TYRO3: variants seen among roughly 807,000 people sequenced by gnomAD.
TYRO3 encodes the protein tyrosine-protein kinase receptor TYRO3.
In TYRO3, 38 loss-of-function variants were observed where a neutral mutation model predicts 95.2. That is an observed-to-expected ratio of 0.40 (90% CI 0.31 to 0.52). TYRO3 has a LOEUF of 0.52. Ranked by LOEUF, TYRO3 falls within the 20% of genes least tolerant of loss-of-function variation. The pLI, the probability that TYRO3 is intolerant of heterozygous loss-of-function variation, is 0.56. For synonymous variants in TYRO3, 367 were observed against 432.9 expected, an observed-to-expected ratio of 0.85 and a Z score of 1.89; for missense variants, 812 against 1,116.4, an observed-to-expected ratio of 0.73 and a Z score of 3.89.
rs1595502350 is a variant in TYRO3, at chr15:41,568,800, C to T, written c.1108-78C>T. 3.3e-6 allele frequency: 5 copies of T among 1,530,422 alleles called. No individual in the cohort carries two copies. In the Admixed American group the frequency reaches 8.0e-5, roughly 25 times the overall value. The allele number at this position is 1,530,422 out of a possible 1,614,324, so 94.8% of individuals were successfully genotyped here. A position where few individuals can be genotyped will look rare whatever the true frequency, so the allele number is the denominator to read the frequency against. On this transcript the variant is annotated intron_variant, in intron 8 of 18. Transcript: ENST00000263798. ...CTATACTCCCATGTTCCCAGCTGGACCTTTTTCTGTCCTCAGGCCCCAGCT... is the reference window on the plus strand; with the variant it reads ...CTATACTCCCATGTTCCCAGCTGGATCTTTTTCTGTCCTCAGGCCCCAGCT...
chr15:41,577,732 C>G (rs556491262), intron 18 of TYRO3, 154 bp from the exon 19 acceptor site: 9 of 708,382 alleles, frequency 1.3e-5, no homozygotes, highest in South Asian at 9.8e-5. Flanking sequence ...AATAATACCC[C>G]CCTTCGGCCT....
In TYRO3 at chr15:41,559,394, A is replaced by ACGGGAGGCGG; in HGVS notation, c.124+19_124+28dup. On this transcript the variant is annotated intron_variant, in intron 1 of 18. Coordinates refer to ENST00000263798, the MANE Select transcript of TYRO3 (RefSeq NM_006293.4). ...TCCGCCGCCGCAGGTAGGGGCTGGC[A>ACGGGAGGCGG]CGGGAGGCGGCGGGAAGCGGGGGGC... 1 of 205,962 alleles carries ACGGGAGGCGG rather than the reference A, an allele frequency of 4.9e-6. No homozygotes were observed. The highest frequency in any genetic ancestry group is 1.0e-5 in the Non-Finnish European group (1 of 98,896). 12.8% of individuals were successfully genotyped at this position (205,962 alleles called of 1,614,324 possible). A position where few individuals can be genotyped will look rare whatever the true frequency, so the allele number is the denominator to read the frequency against.
chr15:41,573,360 A>G lies in TYRO3; in HGVS notation c.2038A>G (p.Ile680Val). ...CVADFGLSRK[I>V]YSGDYYRQGC... ...GGCTGACTTCGGACTCTCCCGGAAG[A>G]TCTACAGTGGGGACTACTATCGTCA... The change falls in exon 17 of 19, where the codon ATC becomes GTC. Residue 680 changes from isoleucine to valine, a missense_variant. Physicochemically the swap from Ile to Val is conservative, Grantham distance 29. Coordinates refer to ENST00000263798, the MANE Select transcript of TYRO3 (RefSeq NM_006293.4). 1 of 1,614,230 alleles carries G rather than the reference A, an allele frequency of 6.2e-7. No individual in the cohort carries two copies. The highest frequency in any genetic ancestry group is 8.5e-7 in the Non-Finnish European group (1 of 1,180,044).
At chr15:41,569,673 G>A (rs2055769826) in intron 9 of TYRO3, among the ~76,000 whole-genome samples, 1 of 146,552 alleles carries the variant, frequency 6.8e-6, no homozygotes, top group African/African-American at 2.5e-5. Flanking sequence ...AGGCTGAAGT[G>A]GAAGGATTGC....
chr15:41,573,111 T>A lies in TYRO3; in HGVS notation c.1985T>A (p.Met662Lys). 6.2e-7 allele frequency: 1 copy of A among 1,612,074 alleles called. No individual in the cohort carries two copies. The highest frequency in any genetic ancestry group is 8.5e-7 in the Non-Finnish European group (1 of 1,179,124). The change falls in exon 16 of 19, where the codon ATG (methionine) becomes AAG (lysine). Residue 662 changes from methionine (M) to lysine (K), a missense_variant and splice_region_variant. Transcript: ENST00000263798. ...CGAGACCTGGCTGCTCGGAATTGCA[T>A]GTACGAATTCTGGAGGACTCGAGGG... ...IHRDLAARNC[M>K]LAEDMTVCVA...
Position 41,561,275 on chromosome 15 carries a change from C to T in TYRO3, c.273C>T (p.Ile91=). Residue 91 remains isoleucine, a synonymous_variant, in exon 2 of 19, where the codon ATC becomes ATT. Coordinates refer to ENST00000263798, the MANE Select transcript of TYRO3 (RefSeq NM_006293.4). ...AVVQNLDQLY[I]PVSEQHWIGF... ...TCCAGAACTTGGACCAGTTGTACAT[C>T]CCAGTCAGCGAGCAGCACTGGATCG... The T allele has an allele frequency of 6.2e-7, 1 of 1,613,982 alleles. No individual in the cohort carries two copies. The highest frequency in any genetic ancestry group is 1.1e-5 in the South Asian group (1 of 91,074).
rs1461944173 is a variant in TYRO3, at chr15:41,581,717, A to T, written c.*3441A>T. The T allele has an allele frequency of 6.6e-6, 1 of 151,034 alleles. No homozygotes were observed. Among genetic ancestry groups the T allele is most frequent in the Admixed American group, 6.7e-5 (1 of 15,012 alleles). 9.4% of individuals were successfully genotyped at this position (151,034 alleles called of 1,614,324 possible). A position where few individuals can be genotyped will look rare whatever the true frequency, so the allele number is the denominator to read the frequency against. Reference sequence around the variant, plus strand: ...GTGGCAGGCACCTGTAATCCCAGCTACTTGGGAGGCTAAGGCAGGAGAATC... The same window carrying T: ...GTGGCAGGCACCTGTAATCCCAGCTTCTTGGGAGGCTAAGGCAGGAGAATC... On this transcript the variant is annotated 3_prime_UTR_variant, in exon 19 of 19. Transcript: ENST00000263798.
intron 9 of TYRO3, among the ~76,000 whole-genome samples, 192 bp from the exon 10 acceptor site, chr15:41,569,835 G>A (rs2055771931): frequency 6.6e-6 from 1 of 152,148 alleles, no homozygotes; most frequent in Non-Finnish European, 1.5e-5. Context: ...TCACCCTCTA[G>A]GTCACAACAG....
In TYRO3 at chr15:41,578,359, C is replaced by T; in HGVS notation, c.*83C>T. On this transcript the variant is annotated 3_prime_UTR_variant, in exon 19 of 19. Transcript: ENST00000263798. ...TGACTAAGCCCCGTCTGACCCCAGC[C>T]CAGACAGCAAGGTGTGGAGGCTCCT... 6.5e-7 allele frequency: 1 copy of T among 1,550,262 alleles called. No homozygotes were observed. The highest frequency in any genetic ancestry group is 1.4e-5 in the African/African-American group (1 of 73,676).
chr15:41,572,985 G>T lies in TYRO3; in HGVS notation c.1876-17G>T, dbSNP rs1460590038. The T allele has an allele frequency of 3.2e-6, 3 of 936,026 alleles. No individual in the cohort carries two copies. The African/African-American group carries it at 4.9e-5, about 15-fold the overall frequency. 58.0% of individuals were successfully genotyped at this position (936,026 alleles called of 1,614,324 possible). A position where few individuals can be genotyped will look rare whatever the true frequency, so the allele number is the denominator to read the frequency against. ...GGTGGGCAGGTTAAGCCTGAGCTTG[G>T]CCTGTCTGTCCACTAGAACCTACCC... On this transcript the variant is annotated splice_polypyrimidine_tract_variant and intron_variant, in intron 15 of 18. Transcript: ENST00000263798.
At chr15:41,559,827 G>A (rs1412869774) in intron 1 of TYRO3, among the ~76,000 whole-genome samples, 1 of 152,252 alleles carries the variant, frequency 6.6e-6, no homozygotes, top group East Asian at 1.9e-4. Flanking sequence ...GGGGCTGTGA[G>A]GGTGCCCAGT....
chr15:41,576,635 A>G (rs569899200), intron 18 of TYRO3, among the ~76,000 whole-genome samples: 1 of 142,404 alleles, frequency 7.0e-6, no homozygotes, highest in East Asian at 2.0e-4. Flanking sequence ...GGCCTGATTC[A>G]GTAGGTTTCC....
Position 41,581,456 on chromosome 15 carries a change from C to G in TYRO3, c.*3180C>G, listed in dbSNP as rs2055922196. ...CTTCCAGGCAAGTAGCTTTCAGAAT[C>G]TTTCCTGCTGTGATTAGCTTTCACT... On this transcript the variant is annotated 3_prime_UTR_variant, in exon 19 of 19. Coordinates refer to ENST00000263798, the MANE Select transcript of TYRO3 (RefSeq NM_006293.4). The G allele has an allele frequency of 6.5e-6, 1 of 153,168 alleles. No homozygotes were observed. The highest frequency in any genetic ancestry group is 6.5e-5 in the Admixed American group (1 of 15,280). The allele number at this position is 153,168 out of a possible 1,614,324, so 9.5% of individuals were successfully genotyped here.
rs142941924 is a variant in TYRO3, at chr15:41,572,548, T to A, written c.1859T>A (p.Ile620Asn). 2 of 1,614,074 alleles carry A rather than the reference T, an allele frequency of 1.2e-6. No homozygotes were observed. Among genetic ancestry groups the A allele is most frequent in the African/African-American group, 2.7e-5 (2 of 74,938 alleles). Residue 620 changes from isoleucine to asparagine, a missense_variant, in exon 15 of 19, where the codon ATT becomes AAT. By Grantham distance (149) the Ile-to-Asn change is moderately radical. Transcript: ENST00000263798. ...CATGCCTTCCTGCTCGCCTCCCGGA[T>A]TGGGGAGAACCCCTTTGTGAGTACC... Reference protein sequence around the residue: ...DLHAFLLASRIGENPFNLPLQ... With the variant: ...DLHAFLLASRNGENPFNLPLQ...
chr15:41,569,022 G>A lies in TYRO3; in HGVS notation c.1252G>A (p.Gly418Ser). 6.2e-7 allele frequency: 1 copy of A among 1,613,858 alleles called. No individual in the cohort carries two copies. Among genetic ancestry groups the A allele is most frequent in the Non-Finnish European group, 8.5e-7 (1 of 1,180,012 alleles). ...PLVVSSHDRA[G>S]QQGPPHSRTS... ...GGTGGTCTCTTCTCATGACCGTGCA[G>A]GTGAGGCTTGTAGGTGGAGAGGGGC... Residue 418 changes from glycine to serine, a missense_variant and splice_region_variant, in exon 9 of 19, where the codon GGC becomes AGC. Transcript: ENST00000263798.
At chr15:41,565,996 T>G (rs1309567266) in intron 6 of TYRO3, among the ~76,000 whole-genome samples, 2 of 152,146 alleles carry the variant, frequency 1.3e-5, no homozygotes, top group African/African-American at 4.8e-5. Context: ...GAGGGGCCCC[T>G]GCTCTGGGCT....
In TYRO3 at chr15:41,569,257, G is replaced by A. The variant is rs73391134; in HGVS notation, c.1252+235G>A. ...GCTTGAGGCCGGCAGTTTGAGACCA[G>A]CTCTGGCAACATAGCAAGACTCTGT... On this transcript the variant is annotated intron_variant, in intron 9 of 18. Transcript: ENST00000263798. Among the ~76,000 whole-genome samples, 755 of 148,554 alleles carry A rather than the reference G, an allele frequency of 5.1e-3. 13 individuals are homozygous for A. Among genetic ancestry groups the A allele is most frequent in the African/African-American group, 0.018 (731 of 40,132 alleles).
rs2055880994 is a variant in TYRO3, at chr15:41,577,993, C to G, written c.2390C>G (p.Ser797Cys). ...ATCTTGGGCCAGCTGTCTGTGCTAT[C>G]TGCCAGCCAGGACCCCTTATACATC... ...ENILGQLSVL[S>C]ASQDPLYINI... The change falls in exon 19 of 19, where the codon TCT (serine) becomes TGT (cysteine). Residue 797 changes from serine (S) to cysteine (C), a missense_variant. Ser to Cys is a moderately radical substitution (Grantham distance 112). Transcript: ENST00000263798. 1 of 1,614,032 alleles carries G rather than the reference C, an allele frequency of 6.2e-7. No individual in the cohort carries two copies. The highest frequency in any genetic ancestry group is 8.5e-7 in the Non-Finnish European group (1 of 1,180,046).
Position 41,578,595 on chromosome 15 carries a change from G to A in TYRO3, c.*319G>A. 2.3e-6 allele frequency: 1 copy of A among 428,014 alleles called. No homozygotes were observed. The highest frequency in any genetic ancestry group is 4.2e-6 in the Non-Finnish European group (1 of 237,176). 26.5% of individuals were successfully genotyped at this position (428,014 alleles called of 1,614,324 possible). On this transcript the variant is annotated 3_prime_UTR_variant, in exon 19 of 19. Transcript: ENST00000263798. Reference sequence around the variant, plus strand: ...TACCATGGGTGTGGATGGCAGTGTGGGGAGGGCAGGTCCAGCTCTGTGGGC... The same window carrying A: ...TACCATGGGTGTGGATGGCAGTGTGAGGAGGGCAGGTCCAGCTCTGTGGGC...
Sources: gnomAD v4.1 joint callset for allele counts (sites outside exome capture counted in the v4.1 genomes callset) on GRCh38, gnomAD v4.1.1 for gene constraint, MANE v1.5 for transcripts, NCBI Gene and HGNC (gene_info 2026-07-23, HGNC 2026-07-21) for gene names.